FLI1: variants seen among roughly 807,000 people sequenced by gnomAD.
FLI1 encodes the protein Friend leukemia integration 1 transcription factor.
FLI1 carries 13 observed loss-of-function variants against 53.1 expected under a neutral mutation model. The observed-to-expected ratio is 0.24, with a 90% CI of 0.16 to 0.39. The LOEUF (loss-of-function observed/expected upper bound fraction) is 0.39. Among genes scored for constraint, FLI1 ranks in the 10% least tolerant of loss-of-function variants. FLI1 has a pLI of 1.00. For synonymous variants in FLI1, 244 were observed against 236.7 expected (o/e 1.03, Z -0.28); for missense variants, 424 against 600.5 (o/e 0.71, Z 3.07).
At chr11:128,750,346 T>C (rs11221458) in intron 1 of FLI1, among the ~76,000 whole-genome samples, 4,040 of 152,288 alleles carry the variant, frequency 0.027, 178 homozygotes, top group African/African-American at 0.092. Context: ...CAATGGGACA[T>C]TGGTGCTTCT....
At chr11:128,739,271 A>G (rs1362082197) in intron 1 of FLI1, among the ~76,000 whole-genome samples, 2 of 152,186 alleles carry the variant, frequency 1.3e-5, no homozygotes, top group Non-Finnish European at 2.9e-5. Context: ...AAAAGGAAGC[A>G]GCAGGTTTAC....
At chr11:128,805,775 T>C in intron 6 of FLI1, 1 of 211,008 alleles carries the variant, frequency 4.7e-6, no homozygotes, top group South Asian at 9.2e-5. Context: ...ATAATTTTGC[T>C]CCCGTAACTG....
chr11:128,804,885 G>A (rs1194006584), intron 5 of FLI1: 1 of 152,470 alleles, frequency 6.6e-6, no homozygotes, highest in East Asian at 1.9e-4. Context: ...CTGCTTGAAG[G>A]ATTTTGCTAC....
chr11:128,764,778 G>A (rs1941265365), intron 2 of FLI1: 1 of 1,592,930 alleles, frequency 6.3e-7, no homozygotes, highest in Non-Finnish European at 8.5e-7. Flanking sequence ...ACGGTGCTTG[G>A]GAGCTGCAAG....
Position 128,761,135 on chromosome 11 carries a change from C to T in FLI1, c.230+2809C>T, listed in dbSNP as rs549061894. Reference sequence around the variant, plus strand: ...CCCTCCCTCCCACTTCTTCCCTCCGCGCCAGCCTCATAAGACTCTAGCTGC... The same window carrying T: ...CCCTCCCTCCCACTTCTTCCCTCCGTGCCAGCCTCATAAGACTCTAGCTGC... On this transcript the variant is annotated intron_variant, in intron 2 of 8. Coordinates refer to ENST00000527786, the MANE Select transcript of FLI1 (RefSeq NM_002017.5). Among the ~76,000 whole-genome samples, 142 of 152,210 alleles carry T rather than the reference C, an allele frequency of 9.3e-4. 11 individuals are homozygous for T. Among genetic ancestry groups the T allele is most frequent in the East Asian group, 1.7e-3 (9 of 5,188 alleles).
At chr11:128,760,716 C>T (rs1298423983) in intron 2 of FLI1, among the ~76,000 whole-genome samples, 1 of 151,862 alleles carries the variant, frequency 6.6e-6, no homozygotes, top group African/African-American at 2.4e-5. Context: ...TTAGTAGAGA[C>T]GGGGTTTTAC....
intron 1 of FLI1, among the ~76,000 whole-genome samples, chr11:128,717,662 G>C (rs1185502032): frequency 6.6e-6 from 1 of 152,220 alleles, no homozygotes; most frequent in Non-Finnish European, 1.5e-5. Context: ...GCTCAGAGAA[G>C]TTAAATCATT....
chr11:128,785,470 G>T (rs1263701269), intron 5 of FLI1, among the ~76,000 whole-genome samples: 2 of 151,624 alleles, frequency 1.3e-5, no homozygotes, highest in Non-Finnish European at 2.9e-5. Flanking sequence ...CAGGTTAGAG[G>T]ATTAGACTAG....
At chr11:128,776,108 AC>A (rs2135851278) in intron 4 of FLI1, among the ~76,000 whole-genome samples, 1 of 152,354 alleles carries the variant, frequency 6.6e-6, no homozygotes, top group African/African-American at 2.4e-5. Flanking sequence ...GGGGAGCTAG[AC>A]TTTTACATTT....
At chr11:128,694,878 G>C (rs1018281970) in intron 1 of FLI1, among the ~76,000 whole-genome samples, 1 of 152,126 alleles carries the variant, frequency 6.6e-6, no homozygotes, top group Non-Finnish European at 1.5e-5. Context: ...CCTTCCTCTC[G>C]GCACTCAGTC....
intron 1 of FLI1, among the ~76,000 whole-genome samples, chr11:128,717,999 G>A (rs767999889): frequency 6.6e-6 from 1 of 152,214 alleles, no homozygotes; most frequent in Non-Finnish European, 1.5e-5. Context: ...TGTGTATAGG[G>A]AGTGTTCCCT....
At chr11:128,752,078 C>T (rs539186013) in intron 1 of FLI1, among the ~76,000 whole-genome samples, 2 of 152,100 alleles carry the variant, frequency 1.3e-5, no homozygotes, top group South Asian at 2.1e-4. Context: ...TGGGTTCAAT[C>T]GATTCTCCTG....
chr11:128,760,084 G>T (rs1485875772), intron 2 of FLI1, among the ~76,000 whole-genome samples: 1 of 152,178 alleles, frequency 6.6e-6, no homozygotes, highest in African/African-American at 2.4e-5. Context: ...TGAGCCTGCA[G>T]CCCCTCAGAT....
intron 1 of FLI1, among the ~76,000 whole-genome samples, chr11:128,737,690 C>A (rs1591766701): frequency 6.6e-6 from 1 of 152,192 alleles, no homozygotes; most frequent in African/African-American, 2.4e-5. Flanking sequence ...CCATCCAGGG[C>A]TTATTGAGGT....
At chr11:128,703,236 A>T (rs367922669) in intron 1 of FLI1, among the ~76,000 whole-genome samples, 5 of 152,354 alleles carry the variant, frequency 3.3e-5, no homozygotes, top group African/African-American at 9.6e-5. Flanking sequence ...TCTTGGTAGG[A>T]GTATGACTTG....
rs575587704 is a variant in FLI1, at chr11:128,725,990, G to GGCC, written c.18+31715_18+31717dup. Reference sequence around the variant, plus strand: ...GGACTGAGGAGTCCAGATCCTGGCTGGCCAGGGGAGGCCTCTCTGGAATGG... The same window carrying GGCC: ...GGACTGAGGAGTCCAGATCCTGGCTGGCCGCCAGGGGAGGCCTCTCTGGAATGG... On this transcript the variant is annotated intron_variant, in intron 1 of 8. Coordinates refer to ENST00000527786, the MANE Select transcript of FLI1 (RefSeq NM_002017.5). 2.3e-3 allele frequency among the ~76,000 whole-genome samples: 352 copies of GGCC among 152,284 alleles called. 2 individuals carry two copies. The highest frequency in any genetic ancestry group is 8.1e-3 in the African/African-American group (335 of 41,548).
intron 2 of FLI1, among the ~76,000 whole-genome samples, chr11:128,765,466 G>A (rs796959679): frequency 6.6e-5 from 10 of 152,220 alleles, no homozygotes; most frequent in African/African-American, 1.4e-4. Context: ...TCCAAATATC[G>A]TATCCCCACC....
chr11:128,803,456 C>T (rs561480410), intron 5 of FLI1, among the ~76,000 whole-genome samples: 35 of 152,312 alleles, frequency 2.3e-4, no homozygotes, highest in African/African-American at 7.9e-4. Context: ...CTTGACATCT[C>T]ACCACCCACC....
chr11:128,757,889 C>T (rs543052574), intron 1 of FLI1, among the ~76,000 whole-genome samples: 21 of 152,202 alleles, frequency 1.4e-4, no homozygotes, highest in Non-Finnish European at 2.6e-4. Context: ...CATGATTCCT[C>T]CATCCCCACT....
Sources: gnomAD v4.1 joint callset for allele counts (sites outside exome capture counted in the v4.1 genomes callset) on GRCh38, gnomAD v4.1.1 for gene constraint, MANE v1.5 for transcripts, NCBI Gene and HGNC (gene_info 2026-07-23, HGNC 2026-07-21) for gene names.